Variants in PLVAP observed in about 807,000 individuals in gnomAD.
PLVAP encodes the protein plasmalemma vesicle associated protein, also known as plasmalemma vesicle-associated protein.
Under a neutral mutation model 43.1 loss-of-function variants are expected in PLVAP, and 34 were observed. The observed-to-expected ratio is 0.79, with a 90% CI of 0.60 to 1.05. The LOEUF is 1.05. Ranked by LOEUF, PLVAP falls within the 50% of genes least tolerant of loss-of-function variation. The probability of loss-of-function intolerance (pLI) is 0.00; values close to 1 mark genes in which losing one functional copy is unlikely to be tolerated. For synonymous variants in PLVAP, 241 were observed against 237.3 expected, an observed-to-expected ratio of 1.02 and a Z score of -0.14; for missense variants, 574 against 593.4, an observed-to-expected ratio of 0.97 and a Z score of 0.34.
Position 17,360,561 on chromosome 19 carries a change from C to A in PLVAP, c.1289G>T (p.Arg430Met), listed in dbSNP as rs758942144. 1.2e-6 allele frequency: 2 copies of A among 1,613,996 alleles called. No homozygotes were observed. The highest frequency in any genetic ancestry group is 1.7e-6 in the Non-Finnish European group (2 of 1,179,936). ...EFKRKILESQRPPAGIPVAPS... is the reference protein window; with the variant it reads ...EFKRKILESQMPPAGIPVAPS... ...GGCTACAGGGATGCCTGCAGGGGGC[C>A]TCTGGGACTCCAGGATCTTCCTCTT... Residue 430 changes from arginine (R) to methionine (M), a missense_variant, in exon 5 of 6, where the codon AGG (arginine) becomes ATG (methionine). Arg to Met is a moderately conservative substitution (Grantham distance 91, BLOSUM62 -1). Coordinates refer to ENST00000252590, the MANE Select transcript of PLVAP (RefSeq NM_031310.3).
rs1042522184 is a variant in PLVAP, at chr19:17,365,612, C to T, written c.853G>A (p.Glu285Lys). The part of the protein sequence containing the change: ...MPSLMSSKVE[E>K]LARSLRADIE... ...TCCGCCCGGAGGCTCCGGGCCAGCT[C>T]CTCCACCTTGGAGCTCATGAGGCTG... The change falls in exon 3 of 6, where the codon GAG (glutamate) becomes AAG (lysine). Residue 285 changes from glutamate to lysine, a missense_variant. Glu to Lys is a moderately conservative substitution (Grantham distance 56, BLOSUM62 1). Coordinates refer to ENST00000252590, the MANE Select transcript of PLVAP (RefSeq NM_031310.3). The T allele has an allele frequency of 6.2e-7, 1 of 1,613,398 alleles. No homozygotes were observed. The highest frequency in any genetic ancestry group is 8.5e-7 in the Non-Finnish European group (1 of 1,180,038).
At chr19:17,352,391 A>G (rs753561813) in intron 5 of PLVAP, 23 bp from the exon 6 acceptor site, 1 of 1,612,480 alleles carries the variant, frequency 6.2e-7, no homozygotes, top group Non-Finnish European at 8.5e-7. Flanking sequence ...GGGGATGGTA[A>G]CACAACAGAG....
intron 5 of PLVAP, among the ~76,000 whole-genome samples, chr19:17,358,798 ACTAT>A (rs1430200379): frequency 1.5e-5 from 2 of 131,910 alleles, no homozygotes; most frequent in Non-Finnish European, 3.1e-5. Context: ...GACTTCAGAG[ACTAT>A]CTTTTTTTTT....
At chr19:17,367,761 C>T (rs2074556097) in intron 1 of PLVAP, among the ~76,000 whole-genome samples, 1 of 152,124 alleles carries the variant, frequency 6.6e-6, no homozygotes, top group African/African-American at 2.4e-5. Flanking sequence ...CATCAGCCTC[C>T]CAAATTGCTG....
chr19:17,370,439 A>G (rs920152699), intron 1 of PLVAP, among the ~76,000 whole-genome samples: 1 of 152,212 alleles, frequency 6.6e-6, no homozygotes, highest in African/African-American at 2.4e-5. Context: ...CCTTCCATAC[A>G]TAGAACATGA....
intron 3 of PLVAP, among the ~76,000 whole-genome samples, chr19:17,364,764 CTTTT>C (rs71162109): frequency 6.9e-5 from 6 of 87,360 alleles, no homozygotes; most frequent in African/African-American, 2.4e-4. Flanking sequence ...TAATTCCAGT[CTTTT>C]TTTTTTTTTT....
At chr19:17,375,895 A>AG (rs2074593137) in intron 1 of PLVAP, among the ~76,000 whole-genome samples, 3 of 150,168 alleles carry the variant, frequency 2.0e-5, no homozygotes, top group Non-Finnish European at 4.5e-5. Flanking sequence ...AAAAAAAAAA[A>AG]AATTGCCAGG....
At chr19:17,369,635 CA>C (rs35419530) in intron 1 of PLVAP, among the ~76,000 whole-genome samples, 60,993 of 124,266 alleles carry the variant, frequency 0.49, 13,116 homozygotes, top group East Asian at 0.55. Flanking sequence ...ACTCTATGTC[CA>C]AAAAAAAAAA....
rs145460906 is a variant in PLVAP at position 17,356,846 on chromosome 19, C to G, written c.1322+3682G>C. 9.6e-4 allele frequency among the ~76,000 whole-genome samples: 146 copies of G among 152,012 alleles called. 1 individual carries two copies. Among genetic ancestry groups the G allele is most frequent in the Middle Eastern group, 3.4e-3 (1 of 294 alleles). The stretch of plus-strand genomic sequence containing the variant: ...TGATGGCGCATGCCTGTAATCCCAG[C>G]TGCTTGGGAGGCTGAGGCAGGAGAA... On this transcript the variant is annotated intron_variant, in intron 5 of 5. Transcript: ENST00000252590.
chr19:17,352,490 T>C (rs913981610), intron 5 of PLVAP, 122 bp from the exon 6 acceptor site: 106 of 1,091,884 alleles, frequency 9.7e-5, no homozygotes, highest in Admixed American at 2.3e-4. Context: ...CGGCCCTGCC[T>C]CCTACCACCC....
intron 5 of PLVAP, 88 bp from the exon 6 acceptor site, chr19:17,352,456 G>A (rs2074490253): frequency 1.4e-6 from 2 of 1,462,784 alleles, no homozygotes; most frequent in South Asian, 1.2e-5. Flanking sequence ...CGTCCTCAGC[G>A]GGGACACAAC....
At chr19:17,363,745 T>A (rs1394705357) in intron 3 of PLVAP, among the ~76,000 whole-genome samples, 1 of 149,166 alleles carries the variant, frequency 6.7e-6, no homozygotes, top group Non-Finnish European at 1.5e-5. Flanking sequence ...CGGCTAATTT[T>A]TTTTTTTTTT....
In PLVAP at chr19:17,365,355, C is replaced by A; in HGVS notation, c.1110G>T (p.Arg370Ser). Reference sequence around the variant, plus strand: ...GCTCCATCCTGAGCTGCTCCGCCTCCCTCTTCTTCTCTTCCAGCTCCTTGG... The same window carrying A: ...GCTCCATCCTGAGCTGCTCCGCCTCACTCTTCTTCTCTTCCAGCTCCTTGG... ...NLAKELEEKK[R>S]EAEQLRMELA... The change falls in exon 3 of 6, where the codon AGG becomes AGT. Residue 370 changes from arginine (R) to serine (S), a missense_variant. Arg to Ser is a moderately radical substitution (Grantham distance 110, BLOSUM62 -1). Transcript: ENST00000252590. 2 of 1,613,448 alleles carry A rather than the reference C, an allele frequency of 1.2e-6. No homozygotes were observed. The highest frequency in any genetic ancestry group is 1.7e-6 in the Non-Finnish European group (2 of 1,180,022).
chr19:17,360,723 A>G, intron 4 of PLVAP, 49 bp downstream of exon 4: 1 of 1,589,902 alleles, frequency 6.3e-7, no homozygotes, highest in Non-Finnish European at 8.6e-7. Flanking sequence ...GTGGGGTTCG[A>G]GGTGGAAAGG....
At chr19:17,359,187 C>T (rs2074517972) in intron 5 of PLVAP, among the ~76,000 whole-genome samples, 1 of 151,826 alleles carries the variant, frequency 6.6e-6, no homozygotes, top group Non-Finnish European at 1.5e-5. Context: ...ACTGCAACCT[C>T]CACCTCCCGG....
intron 5 of PLVAP, among the ~76,000 whole-genome samples, chr19:17,353,972 CAG>C (rs1455122906): frequency 1.3e-5 from 2 of 152,166 alleles, no homozygotes; most frequent in African/African-American, 4.8e-5. Flanking sequence ...GTGTCCAGCT[CAG>C]AGCCAGGGCT....
At chr19:17,368,902 G>A (rs554060739) in intron 1 of PLVAP, among the ~76,000 whole-genome samples, 16 of 152,216 alleles carry the variant, frequency 1.1e-4, no homozygotes, top group East Asian at 7.8e-4. Flanking sequence ...GCTTGAACTC[G>A]GGGAGGCGGA....
chr19:17,374,999 T>A (rs982861113), intron 1 of PLVAP, among the ~76,000 whole-genome samples: 3 of 152,104 alleles, frequency 2.0e-5, no homozygotes, highest in African/African-American at 7.2e-5. Flanking sequence ...TTTTTGTATT[T>A]TTAGTACAGA....
rs756064661 is a variant in PLVAP, at chr19:17,376,938, G to T, written c.351C>A (p.Arg117=). The part of the protein sequence containing the change: ...RDLDRINASF[R]QCQGDRVIYT... ...GCCTTACCCGGTCACCCTGGCACTG[G>T]CGGAAGCTGGCATTGATGCGGTCCA... The change falls in exon 1 of 6, where the codon CGC becomes CGA. Residue 117 remains arginine (R), a synonymous_variant. Transcript: ENST00000252590. The T allele has an allele frequency of 1.1e-5, 18 of 1,613,656 alleles. No homozygotes were observed. The highest frequency in any genetic ancestry group is 1.5e-5 in the Non-Finnish European group (18 of 1,179,886).
Sources: gnomAD v4.1 joint callset for allele counts (sites outside exome capture counted in the v4.1 genomes callset) on GRCh38, gnomAD v4.1.1 for gene constraint, MANE v1.5 for transcripts, NCBI Gene and HGNC (gene_info 2026-07-23, HGNC 2026-07-21) for gene names.